DIAPH1: variants seen among roughly 807,000 people sequenced by gnomAD.
The protein encoded by DIAPH1 is protein diaphanous homolog 1.
A neutral mutation model predicts 140.7 loss-of-function variants in DIAPH1; 46 were observed. That is an observed-to-expected ratio of 0.33 (90% CI 0.26 to 0.42). The LOEUF is 0.42. Ranked by LOEUF, DIAPH1 falls within the 10% of genes least tolerant of loss-of-function variation. The pLI, the probability that DIAPH1 is intolerant of heterozygous loss-of-function variation, is 1.00. For synonymous variants in DIAPH1, 565 were observed against 551.6 expected (o/e 1.02, Z -0.34); for missense variants, 1,310 against 1,558.7 (o/e 0.84, Z 2.69).
chr5:141,535,803 A>T (rs992762002), intron 18 of DIAPH1, among the ~76,000 whole-genome samples: 2 of 152,224 alleles, frequency 1.3e-5, no homozygotes, highest in Non-Finnish European at 2.9e-5. Context: ...ATATCCCCGA[A>T]AGGAGAGTCG....
intron 2 of DIAPH1, 36 bp downstream of exon 2, chr5:141,588,188 G>A (rs778262569): frequency 6.3e-7 from 1 of 1,575,910 alleles, no homozygotes; most frequent in Non-Finnish European, 8.7e-7. Flanking sequence ...TAGGCAATGA[G>A]CTAGAACATG....
At chr5:141,558,020 C>T (rs1452810127) in intron 18 of DIAPH1, among the ~76,000 whole-genome samples, 2 of 152,182 alleles carry the variant, frequency 1.3e-5, no homozygotes, top group South Asian at 2.1e-4. Context: ...GACAGTAAAG[C>T]GAAGGGAAAG....
chr5:141,575,268 C>T, intron 14 of DIAPH1, 122 bp from the exon 15 acceptor site: 1 of 950,920 alleles, frequency 1.1e-6, no homozygotes. Flanking sequence ...CCCCCCACTG[C>T]CTCCTGTTCT....
intron 27 of DIAPH1, 65 bp downstream of exon 27, chr5:141,524,078 A>G: frequency 7.3e-7 from 1 of 1,368,838 alleles, no homozygotes; most frequent in South Asian, 1.2e-5. Flanking sequence ...TTAGCCGCAG[A>G]CTGGCAGGAG....
chr5:141,588,107 T>C (rs888695796), intron 2 of DIAPH1, 117 bp downstream of exon 2: 1 of 846,348 alleles, frequency 1.2e-6, no homozygotes, highest in Non-Finnish European at 2.0e-6. Flanking sequence ...CTTGAGATAC[T>C]GAGTAGAAGC....
intron 18 of DIAPH1, among the ~76,000 whole-genome samples, chr5:141,537,439 C>T (rs188381660): frequency 2.1e-4 from 29 of 137,268 alleles, no homozygotes; most frequent in Non-Finnish European, 2.7e-4. Flanking sequence ...GCTGAGATCG[C>T]GCCATTGCAC....
Position 141,516,814 on chromosome 5 carries a change from G to A in DIAPH1, c.*37C>T, listed in dbSNP as rs2099885759. 3 of 1,612,716 alleles carry A rather than the reference G, an allele frequency of 1.9e-6. No homozygotes were observed. The East Asian group carries it at 6.7e-5, about 36-fold the overall frequency. On this transcript the variant is annotated 3_prime_UTR_variant, in exon 28 of 28. Transcript: ENST00000389054. Reference sequence around the variant, plus strand: ...ATGCTGCAGGGCAGGACAGTCTGCGGCTCCGCTGAGGAGCTGCCGCGGTCA... The same window carrying A: ...ATGCTGCAGGGCAGGACAGTCTGCGACTCCGCTGAGGAGCTGCCGCGGTCA...
intron 19 of DIAPH1, among the ~76,000 whole-genome samples, chr5:141,533,863 A>AC (rs1363379921): frequency 6.6e-6 from 1 of 151,868 alleles, no homozygotes; most frequent in African/African-American, 2.4e-5. Flanking sequence ...ACATGGCAAA[A>AC]CCCCATCTCT....
chr5:141,576,171 A>G (rs540479311), intron 14 of DIAPH1, 59 bp downstream of exon 14: 2 of 1,371,184 alleles, frequency 1.5e-6, no homozygotes, highest in East Asian at 4.6e-5. Context: ...AGATCAGGAA[A>G]ATAATAATTC....
intron 18 of DIAPH1, among the ~76,000 whole-genome samples, chr5:141,561,393 T>C (rs73280395): frequency 0.034 from 5,210 of 151,936 alleles, 276 homozygotes; most frequent in African/African-American, 0.12. Context: ...TGGAGTCTGT[T>C]TTTTCAAAAA....
chr5:141,604,832 A>G (rs1473534104), intron 1 of DIAPH1, among the ~76,000 whole-genome samples: 2 of 152,138 alleles, frequency 1.3e-5, no homozygotes, highest in Non-Finnish European at 2.9e-5. Flanking sequence ...CACAGAAAAT[A>G]TTTTTTGGCC....
In DIAPH1 at chr5:141,574,527, T is replaced by TATA. The variant is rs1162287842; in HGVS notation, c.1642-320_1642-319insTAT. 1.5e-4 allele frequency among the ~76,000 whole-genome samples: 23 copies of TATA among 152,278 alleles called. No homozygotes were observed. In the East Asian group the frequency reaches 3.5e-3, roughly 23 times the overall value. On this transcript the variant is annotated intron_variant, in intron 15 of 27. Coordinates refer to ENST00000389054, the MANE Select transcript of DIAPH1 (RefSeq NM_005219.5). ...GTTCTAGTTATATAACTAATATATG[T>TATA]GCTACACAGATGATTATATAACCAC...
At chr5:141,575,908 T>G (rs1002929873) in intron 14 of DIAPH1, among the ~76,000 whole-genome samples, 2 of 152,158 alleles carry the variant, frequency 1.3e-5, no homozygotes, top group African/African-American at 4.8e-5. Flanking sequence ...GGACCCCAGT[T>G]CCTATTGTTC....
intron 19 of DIAPH1, among the ~76,000 whole-genome samples, chr5:141,531,269 A>G (rs1350970146): frequency 6.6e-6 from 1 of 151,632 alleles, no homozygotes; most frequent in Non-Finnish European, 1.5e-5. Flanking sequence ...CTTTATCCCA[A>G]GTCAATCACT....
intron 23 of DIAPH1, 87 bp downstream of exon 23, chr5:141,528,366 T>C: frequency 1.3e-6 from 2 of 1,588,212 alleles, no homozygotes; most frequent in South Asian, 1.1e-5. Context: ...TAGTCTGAAC[T>C]GAAAATGCTC....
chr5:141,605,512 T>C (rs1430795707), intron 1 of DIAPH1, among the ~76,000 whole-genome samples: 2 of 152,198 alleles, frequency 1.3e-5, no homozygotes, highest in African/African-American at 4.8e-5. Context: ...CCTATCAGTA[T>C]TTACTCTTCT....
At chr5:141,533,671 A>AC (rs1327461551) in intron 19 of DIAPH1, among the ~76,000 whole-genome samples, 2 of 152,072 alleles carry the variant, frequency 1.3e-5, no homozygotes, top group East Asian at 3.8e-4. Context: ...ACATAGCGAG[A>AC]CCCCTTCTCT....
At chr5:141,537,127 C>T (rs1475636640) in intron 18 of DIAPH1, among the ~76,000 whole-genome samples, 1 of 151,948 alleles carries the variant, frequency 6.6e-6, no homozygotes, top group East Asian at 1.9e-4. Context: ...ATGACTGTGC[C>T]ACTGCACTCC....
chr5:141,603,052 A>C (rs1286701342), intron 1 of DIAPH1, among the ~76,000 whole-genome samples: 5 of 152,224 alleles, frequency 3.3e-5, no homozygotes, highest in Non-Finnish European at 7.3e-5. Context: ...AATGACCAGG[A>C]ATTTAAAAAT....
Sources: gnomAD v4.1 joint callset for allele counts (sites outside exome capture counted in the v4.1 genomes callset) on GRCh38, gnomAD v4.1.1 for gene constraint, MANE v1.5 for transcripts, NCBI Gene and HGNC (gene_info 2026-07-23, HGNC 2026-07-21) for gene names.